The following PPP1R9A variants were observed in gnomAD, a reference collection of about 807,000 sequenced individuals.
PPP1R9A encodes neurabin-1.
PPP1R9A carries 59 observed loss-of-function variants against 141.9 expected under a neutral mutation model. The ratio of observed to expected loss-of-function variants is 0.42; its 90% confidence interval spans 0.34 to 0.52. The LOEUF (loss-of-function observed/expected upper bound fraction) is 0.52, where lower values mean the gene tolerates loss of function less well. Among genes scored for constraint, PPP1R9A ranks in the 20% least tolerant of loss-of-function variants. PPP1R9A has a pLI of 0.10. For missense variants in PPP1R9A, 1,444 were observed against 1,611.9 expected (o/e 0.90, Z 1.78); for synonymous variants, 500 against 569.7 (o/e 0.88, Z 1.74).
chr7:95,028,862 A>G (rs373837347), intron 2 of PPP1R9A, among the ~76,000 whole-genome samples: 2 of 152,326 alleles, frequency 1.3e-5, no homozygotes, highest in South Asian at 4.1e-4. Flanking sequence ...TAAAGCAGGA[A>G]GATAGCTTAA....
rs750413362 is a variant in PPP1R9A, at chr7:95,284,155, C to T, written c.3434C>T (p.Ala1145Val). 5.7e-6 allele frequency: 9 copies of T among 1,589,272 alleles called. No individual in the cohort carries two copies. The highest frequency in any genetic ancestry group is 2.2e-5 in the East Asian group (1 of 44,794). The change falls in exon 17 of 20, where the codon GCG (alanine) becomes GTG (valine). Residue 1145 changes from alanine (A) to valine (V), a missense_variant. By Grantham distance (64) the Ala-to-Val change is moderately conservative. Coordinates refer to ENST00000433360, the MANE Select transcript of PPP1R9A (RefSeq NM_001166160.2). ...TCCTATTCCTTCAGGAACCTGCCTG[C>T]GCCTACAAGTTCCCTTCAGCCTTCT... ...KGSYSFRNLP[A>V]PTSSLQPSPE...
At chr7:95,255,601 G>A (rs149169651) in intron 12 of PPP1R9A, among the ~76,000 whole-genome samples, 269 of 152,224 alleles carry the variant, frequency 1.8e-3, no homozygotes, top group African/African-American at 5.4e-3. Context: ...AGGTCCTGCC[G>A]ATTATACTGC....
chr7:95,255,480 G>A (rs975112553), intron 12 of PPP1R9A, among the ~76,000 whole-genome samples: 6 of 152,122 alleles, frequency 3.9e-5, no homozygotes, highest in African/African-American at 1.4e-4. Flanking sequence ...AGGAGTAAGT[G>A]TGATATCATT....
At chr7:94,952,387 T>C (rs1013305563) in intron 2 of PPP1R9A, among the ~76,000 whole-genome samples, 2 of 152,232 alleles carry the variant, frequency 1.3e-5, no homozygotes, top group Non-Finnish European at 2.9e-5. Flanking sequence ...AAGTCTTTGC[T>C]ATTGTGGACA....
At chr7:95,174,571 TAAA>T (rs1832625234) in intron 5 of PPP1R9A, among the ~76,000 whole-genome samples, 1 of 152,124 alleles carries the variant, frequency 6.6e-6, no homozygotes, top group Admixed American at 6.6e-5. Context: ...ATCGTTAACT[TAAA>T]AAGCACCATA....
chr7:95,105,785 G>A (rs1271353674), intron 2 of PPP1R9A, among the ~76,000 whole-genome samples: 1 of 152,200 alleles, frequency 6.6e-6, no homozygotes, highest in Non-Finnish European at 1.5e-5. Context: ...GGGCTTCCTG[G>A]TCAGAGAAAA....
rs537861553 is a variant in PPP1R9A, at chr7:95,068,330, C to T, written c.1396-42929C>T. Among the ~76,000 whole-genome samples the T allele has an allele frequency of 4.1e-4, 63 of 151,844 alleles. No individual in the cohort carries two copies. In the South Asian group the frequency reaches 0.013, roughly 30 times the overall value. ...ACTAAAAATACAAAAATTAGCTGGG[C>T]GTGGTGGCACACGCCTGTAGTCCCA... On this transcript the variant is annotated intron_variant, in intron 2 of 19. Transcript: ENST00000433360.
chr7:95,181,571 A>C (rs1014350482), intron 5 of PPP1R9A, among the ~76,000 whole-genome samples: 1 of 138,948 alleles, frequency 7.2e-6, no homozygotes, highest in South Asian at 2.2e-4. Flanking sequence ...GAATATATAT[A>C]TATTCCATCA....
chr7:95,239,188 ATT>A (rs1797111517), intron 8 of PPP1R9A, among the ~76,000 whole-genome samples: 3 of 152,160 alleles, frequency 2.0e-5, no homozygotes, highest in African/African-American at 7.2e-5. Flanking sequence ...ATATACTGAA[ATT>A]ATACCTCATT....
At chr7:95,008,488 T>A (rs1293845858) in intron 2 of PPP1R9A, among the ~76,000 whole-genome samples, 2 of 152,176 alleles carry the variant, frequency 1.3e-5, no homozygotes, top group African/African-American at 4.8e-5. Context: ...ATCCACACTT[T>A]AATGGCTCAG....
At chr7:94,983,273 A>G (rs1291532849) in intron 2 of PPP1R9A, among the ~76,000 whole-genome samples, 1 of 152,154 alleles carries the variant, frequency 6.6e-6, no homozygotes, top group African/African-American at 2.4e-5. Flanking sequence ...TGATGCCTCC[A>G]GCATTGTTCT....
At chr7:95,096,677 C>T (rs1351852156) in intron 2 of PPP1R9A, among the ~76,000 whole-genome samples, 1 of 152,132 alleles carries the variant, frequency 6.6e-6, no homozygotes, top group Non-Finnish European at 1.5e-5. Flanking sequence ...TCCCAGAGCT[C>T]CCCTACCTAT....
At chr7:95,227,349 A>G (rs1795281920) in intron 8 of PPP1R9A, among the ~76,000 whole-genome samples, 1 of 152,228 alleles carries the variant, frequency 6.6e-6, no homozygotes, top group African/African-American at 2.4e-5. Context: ...AGAAGGGTCC[A>G]CATTCTTTTA....
At chr7:95,081,022 A>G (rs186389403) in intron 2 of PPP1R9A, among the ~76,000 whole-genome samples, 1 of 152,350 alleles carries the variant, frequency 6.6e-6, no homozygotes, top group Admixed American at 6.5e-5. Flanking sequence ...AGAGTTGAGA[A>G]AAAGCTCAAA....
intron 4 of PPP1R9A, among the ~76,000 whole-genome samples, chr7:95,150,494 G>A (rs1035495755): frequency 2.6e-5 from 4 of 151,990 alleles, no homozygotes; most frequent in African/African-American, 9.7e-5. Context: ...CAGTAGAGAC[G>A]GAGTTTCACC....
chr7:95,275,766 C>G (rs1011183209), intron 16 of PPP1R9A, among the ~76,000 whole-genome samples: 2 of 152,072 alleles, frequency 1.3e-5, no homozygotes, highest in Admixed American at 6.5e-5. Flanking sequence ...TGACATATAC[C>G]TTGGTGAGAA....
At chr7:94,936,767 C>T (rs1794813290) in intron 2 of PPP1R9A, among the ~76,000 whole-genome samples, 1 of 151,394 alleles carries the variant, frequency 6.6e-6, no homozygotes, top group Non-Finnish European at 1.5e-5. Flanking sequence ...GAAATGTTAC[C>T]AAATGGTAAA....
At position 95,294,316 on chromosome 7, in the gene PPP1R9A, T is replaced by C. The variant is rs535103486; in HGVS notation, c.*4013T>C. 1 of 143,160 alleles carries C rather than the reference T, an allele frequency of 7.0e-6. No homozygotes were observed. The highest frequency in any genetic ancestry group is 2.6e-5 in the African/African-American group (1 of 38,390). 8.9% of individuals were successfully genotyped at this position (143,160 alleles called of 1,614,324 possible). A position where few individuals can be genotyped will look rare whatever the true frequency, so the allele number is the denominator to read the frequency against. ...TTTTTCTGTCATCTGTCACCCAGACTGGACTGCAGTGGTGCCATCATGTCT... is the reference window on the plus strand; with the variant it reads ...TTTTTCTGTCATCTGTCACCCAGACCGGACTGCAGTGGTGCCATCATGTCT... On this transcript the variant is annotated 3_prime_UTR_variant, in exon 20 of 20. Transcript: ENST00000433360.
At chr7:95,046,163 C>T (rs901891337) in intron 2 of PPP1R9A, among the ~76,000 whole-genome samples, 1 of 151,396 alleles carries the variant, frequency 6.6e-6, no homozygotes, top group African/African-American at 2.4e-5. Context: ...CCTGCAACCT[C>T]TGACTCCTGG....
Sources: allele counts gnomAD v4.1 joint callset (sites outside exome capture counted in the v4.1 genomes callset), GRCh38; gene constraint gnomAD v4.1.1; transcripts MANE v1.5; gene names NCBI Gene and HGNC (gene_info 2026-07-23, HGNC 2026-07-21).